SCIN: variants seen among roughly 807,000 people sequenced by gnomAD.
SCIN encodes the protein adseverin.
A neutral mutation model predicts 91.8 loss-of-function variants in SCIN; 91 were observed. The ratio of observed to expected loss-of-function variants is 0.99; its 90% confidence interval spans 0.84 to 1.18. The LOEUF is 1.18. SCIN is among the 50% of genes most tolerant of loss of function. The pLI, the probability that SCIN is intolerant of heterozygous loss-of-function variation, is 0.00. For missense variants in SCIN, 1,087 were observed against 863.9 expected, an observed-to-expected ratio of 1.26 and a Z score of -3.24; for synonymous variants, 367 against 312.6, an observed-to-expected ratio of 1.17 and a Z score of -1.84.
intron 4 of SCIN, among the ~76,000 whole-genome samples, chr7:12,618,749 C>G (rs1396801247): frequency 6.6e-6 from 1 of 152,046 alleles, no homozygotes; most frequent in Non-Finnish European, 1.5e-5. Flanking sequence ...TCTATGCTCC[C>G]TATGTTACAC....
chr7:12,629,325 C>A, intron 9 of SCIN, 103 bp downstream of exon 9: 3 of 1,132,332 alleles, frequency 2.6e-6, no homozygotes, highest in Non-Finnish European at 3.7e-6. Flanking sequence ...TATAATCATC[C>A]CAGTGAGATT....
intron 10 of SCIN, among the ~76,000 whole-genome samples, chr7:12,638,332 C>T (rs910863782): frequency 6.6e-6 from 1 of 152,202 alleles, no homozygotes; most frequent in African/African-American, 2.4e-5. Flanking sequence ...GCACACACTG[C>T]TGCCTGTTTT....
chr7:12,621,080 T>C (rs1215971573), intron 4 of SCIN, among the ~76,000 whole-genome samples: 1 of 152,150 alleles, frequency 6.6e-6, no homozygotes, highest in Non-Finnish European at 1.5e-5. Context: ...GTTTACAGTT[T>C]ATGTCAAAGA....
intron 4 of SCIN, among the ~76,000 whole-genome samples, chr7:12,608,275 G>C (rs988479629): frequency 3.3e-5 from 5 of 151,138 alleles, no homozygotes; most frequent in Admixed American, 3.3e-4. Flanking sequence ...GGAACTAATA[G>C]GTTTCAGAAG....
chr7:12,583,982 G>C (rs1015749690), intron 3 of SCIN, among the ~76,000 whole-genome samples: 4 of 152,166 alleles, frequency 2.6e-5, no homozygotes, highest in East Asian at 1.9e-4. Flanking sequence ...ATTATATTCT[G>C]GAATTTTCCT....
At chr7:12,607,530 T>A (rs1783102724) in intron 4 of SCIN, among the ~76,000 whole-genome samples, 1 of 152,244 alleles carries the variant, frequency 6.6e-6, no homozygotes, top group African/African-American at 2.4e-5. Context: ...GTGATAAGGA[T>A]AAAGAGATAT....
At chr7:12,598,300 GT>G (rs146474966) in intron 3 of SCIN, among the ~76,000 whole-genome samples, 1 of 152,028 alleles carries the variant, frequency 6.6e-6, no homozygotes, top group African/African-American at 2.4e-5. Context: ...TAAGAACAGA[GT>G]TTTTTTCAAG....
chr7:12,598,522 A>C (rs1401898125), intron 3 of SCIN, among the ~76,000 whole-genome samples: 1 of 152,180 alleles, frequency 6.6e-6, no homozygotes, highest in Non-Finnish European at 1.5e-5. Flanking sequence ...TTGATGAAAT[A>C]CTAAAATTGT....
chr7:12,573,836 T>C (rs1206889425), intron 1 of SCIN, among the ~76,000 whole-genome samples: 1 of 152,194 alleles, frequency 6.6e-6, no homozygotes, highest in Non-Finnish European at 1.5e-5. Flanking sequence ...ATACCAGGCC[T>C]TGTGCAATGC....
intron 3 of SCIN, among the ~76,000 whole-genome samples, chr7:12,603,770 GTTTAAT>G (rs981603187): frequency 4.6e-5 from 7 of 151,952 alleles, no homozygotes; most frequent in African/African-American, 1.5e-4. Flanking sequence ...CGATGTTAAA[GTTTAAT>G]TTTAACAGTT....
chr7:12,632,754 T>TA lies in SCIN; in HGVS notation c.1320-3284dup, dbSNP rs1024080136. On this transcript the variant is annotated intron_variant, in intron 9 of 15. Coordinates refer to ENST00000297029, the MANE Select transcript of SCIN (RefSeq NM_001112706.3). ...AAGAAGACAGGTTTGGCCCACACTG[T>TA]AAAAAAATGCAAAAGGAAAAAGAGA... is the stretch of plus-strand genomic sequence containing the variant. Among the ~76,000 whole-genome samples, 10 of 152,198 alleles carry TA rather than the reference T, an allele frequency of 6.6e-5. 1 individual carries two copies. Among genetic ancestry groups the TA allele is most frequent in the Middle Eastern group, 6.8e-3 (2 of 294 alleles).
chr7:12,571,314 G>A (rs548943511), intron 1 of SCIN: 4 of 383,028 alleles, frequency 1.0e-5, no homozygotes, highest in Non-Finnish European at 1.5e-5. Context: ...GTCCAGGGCC[G>A]CTGCCTCAGC....
intron 6 of SCIN, 89 bp from the exon 7 acceptor site, chr7:12,625,673 C>T (rs1783505562): frequency 1.0e-6 from 1 of 966,026 alleles, no homozygotes; most frequent in Middle Eastern, 3.0e-4. Context: ...CAATTATAAT[C>T]ATGTTTATTA....
intron 3 of SCIN, chr7:12,595,642 C>A (rs906898376): frequency 2.0e-5 from 3 of 151,554 alleles, no homozygotes; most frequent in African/African-American, 7.3e-5. Flanking sequence ...ACGATTTGTA[C>A]TTTAATATTC....
intron 13 of SCIN, among the ~76,000 whole-genome samples, chr7:12,648,809 G>A (rs913382000): frequency 6.6e-6 from 1 of 152,106 alleles, no homozygotes; most frequent in Admixed American, 6.5e-5. Context: ...TAGAAAATAC[G>A]CTTAAATATA....
intron 3 of SCIN, among the ~76,000 whole-genome samples, chr7:12,601,134 T>A (rs1006516486): frequency 6.6e-6 from 1 of 152,238 alleles, no homozygotes; most frequent in Non-Finnish European, 1.5e-5. Flanking sequence ...TTATTTCTTA[T>A]AAAGTTTTGC....
intron 4 of SCIN, among the ~76,000 whole-genome samples, chr7:12,616,120 A>G (rs923775024): frequency 1.3e-5 from 2 of 152,090 alleles, no homozygotes; most frequent in African/African-American, 2.4e-5. Context: ...TTTTTATCCA[A>G]CTTAGAGTAC....
chr7:12,589,416 G>A lies in SCIN; in HGVS notation c.516+8195G>A, dbSNP rs558096262. ...TTTTTTCTATTTTTAGTAGAGACGGGGTTTCACCGTGTTAGCCAAGATGGT... is the reference window on the plus strand; with the variant it reads ...TTTTTTCTATTTTTAGTAGAGACGGAGTTTCACCGTGTTAGCCAAGATGGT... On this transcript the variant is annotated intron_variant, in intron 3 of 15. Transcript: ENST00000297029. The A allele has an allele frequency of 3.3e-3, 507 of 152,150 alleles. 2 individuals carry two copies. The highest frequency in any genetic ancestry group is 0.011 in the African/African-American group (475 of 41,454). 9.4% of individuals were successfully genotyped at this position (152,150 alleles called of 1,614,324 possible).
chr7:12,629,071 A>G, intron 8 of SCIN, 30 bp from the exon 9 acceptor site: 2 of 1,551,134 alleles, frequency 1.3e-6, no homozygotes, highest in Non-Finnish European at 1.7e-6. Flanking sequence ...AGAAAATTGT[A>G]ATTTGTTGTA....
Sources: gnomAD v4.1 joint callset for allele counts (sites outside exome capture counted in the v4.1 genomes callset) on GRCh38, gnomAD v4.1.1 for gene constraint, MANE v1.5 for transcripts, NCBI Gene and HGNC (gene_info 2026-07-23, HGNC 2026-07-21) for gene names.